Variants in QRSL1 observed in about 807,000 individuals in gnomAD.
QRSL1 encodes glutaminyl-tRNA amidotransferase subunit QRSL1.
QRSL1 carries 54 observed loss-of-function variants against 61.6 expected under a neutral mutation model. The observed-to-expected ratio is 0.88, with a 90% confidence interval of 0.70 to 1.10. The LOEUF (loss-of-function observed/expected upper bound fraction) is 1.10. QRSL1 is among the 50% of genes least tolerant of loss of function. The probability of loss-of-function intolerance (pLI) is 0.00; values close to 1 mark genes in which losing one functional copy is unlikely to be tolerated. For missense variants in QRSL1, 505 were observed against 622.6 expected (o/e 0.81, Z 2.01); for synonymous variants, 228 against 225.7 (o/e 1.01, Z -0.09).
At chr6:106,662,489 C>CT (rs34380610) in intron 9 of QRSL1, among the ~76,000 whole-genome samples, 116 of 143,346 alleles carry the variant, frequency 8.1e-4, no homozygotes, top group Middle Eastern at 3.7e-3. Flanking sequence ...TCCAGTGGTT[C>CT]TTTTTTTTTT....
At position 106,640,490 on chromosome 6, in the gene QRSL1, G is replaced by C. The variant is rs1777000864; in HGVS notation, c.166G>C (p.Glu56Gln). 1 of 1,580,988 alleles carries C rather than the reference G, an allele frequency of 6.3e-7. No homozygotes were observed. The highest frequency in any genetic ancestry group is 8.6e-7 in the Non-Finnish European group (1 of 1,168,932). Residue 56 changes from glutamate to glutamine, a missense_variant, in exon 2 of 11, where the codon GAA (glutamate) becomes CAA (glutamine). Glu to Gln is a conservative substitution (Grantham distance 29). Transcript: ENST00000369046. Reference protein sequence around the residue: ...EVALKQAEESEKRYKNGQSLG... With the variant: ...EVALKQAEESQKRYKNGQSLG... Reference sequence around the variant, plus strand: ...GGCCTTAAAACAAGCTGAAGAATCAGAAAAGAGATATAAGAATGGTAAATT... The same window carrying C: ...GGCCTTAAAACAAGCTGAAGAATCACAAAAGAGATATAAGAATGGTAAATT...
At chr6:106,642,396 T>G in intron 3 of QRSL1, 1 of 480,888 alleles carries the variant, frequency 2.1e-6, no homozygotes, top group Non-Finnish European at 3.8e-6. Context: ...TTCGCTGTTT[T>G]GTTTCCTATA....
chr6:106,639,119 GTTTTTTTTT>G (rs1177849683), intron 1 of QRSL1, among the ~76,000 whole-genome samples: 2 of 122,798 alleles, frequency 1.6e-5, no homozygotes, highest in Non-Finnish European at 3.3e-5. Flanking sequence ...GTGTTTTGTT[GTTTTTTTTT>G]TTTTTTTTTT....
At chr6:106,651,113 G>C (rs112704534) in intron 5 of QRSL1, among the ~76,000 whole-genome samples, 15 of 152,234 alleles carry the variant, frequency 9.9e-5, no homozygotes, top group African/African-American at 2.9e-4. Flanking sequence ...TCTACTTTGT[G>C]TCTTATGAAT....
At chr6:106,660,707 A>C (rs1777342485) in intron 9 of QRSL1, among the ~76,000 whole-genome samples, 1 of 151,892 alleles carries the variant, frequency 6.6e-6, no homozygotes, top group South Asian at 2.1e-4. Context: ...ACGGAGATTT[A>C]CTGGCTCACA....
Position 106,649,064 on chromosome 6 carries a change from C to A in QRSL1, c.420C>A (p.Asn140Lys), listed in dbSNP as rs1426455961. The change falls in exon 5 of 11, where the codon AAC (asparagine) becomes AAA (lysine). Residue 140 changes from asparagine to lysine, a missense_variant. Physicochemically the swap from Asn to Lys is moderately conservative, Grantham distance 94. Transcript: ENST00000369046. ...ATGGTGTATTTGGACCAGTTAAAAA[C>A]CCCTGGAGTTATTCAAAACAATATA... ...STDGVFGPVKNPWSYSKQYRE... is the reference protein window; with the variant it reads ...STDGVFGPVKKPWSYSKQYRE... 2 of 1,613,866 alleles carry A rather than the reference C, an allele frequency of 1.2e-6. No homozygotes were observed. The highest frequency in any genetic ancestry group is 2.2e-5 in the East Asian group (1 of 44,884).
rs1218410668 is a variant in QRSL1, at chr6:106,654,748, T to G, written c.868T>G (p.Leu290Val). The change falls in exon 8 of 11, where the codon TTA (leucine) becomes GTA (valine). Residue 290 changes from leucine to valine, a missense_variant. Transcript: ENST00000369046. ...GIPKEYLVPE[L>V]SSEVQSLWSK... ...CTATAAGGAATATCTTGTACCGGAATTATCAAGTGAAGTACAGTCTCTTTG... is the reference window on the plus strand; with the variant it reads ...CTATAAGGAATATCTTGTACCGGAAGTATCAAGTGAAGTACAGTCTCTTTG... 1 of 1,610,614 alleles carries G rather than the reference T, an allele frequency of 6.2e-7. No individual in the cohort carries two copies. The highest frequency in any genetic ancestry group is 8.5e-7 in the Non-Finnish European group (1 of 1,179,316).
chr6:106,642,210 C>G (rs1005576664), intron 3 of QRSL1, among the ~76,000 whole-genome samples: 89 of 152,292 alleles, frequency 5.8e-4, no homozygotes, highest in African/African-American at 2.1e-3. Flanking sequence ...CATGCACCAC[C>G]AGACCCAGCT....
At chr6:106,652,406 A>T (rs1777201990) in intron 6 of QRSL1, 22 bp downstream of exon 6, 1 of 1,613,576 alleles carries the variant, frequency 6.2e-7, no homozygotes, top group Non-Finnish European at 8.5e-7. Context: ...ATTCTATATC[A>T]TTTGCAACAG....
rs749316210 is a variant in QRSL1, at chr6:106,663,056, T to C, written c.1237T>C (p.Ser413Pro). 3.8e-5 allele frequency: 62 copies of C among 1,612,808 alleles called. No individual in the cohort carries two copies. Among genetic ancestry groups the C allele is most frequent in the Middle Eastern group, 1.6e-4 (1 of 6,082 alleles). ...TAATGACTTTGTAAATGCTTTTAAC[T>C]CTGGAGTAGATGTCTTGCTAACTCC... The part of the protein sequence containing the change: ...IANDFVNAFN[S>P]GVDVLLTPTT... Residue 413 changes from serine to proline, a missense_variant, in exon 10 of 11, where the codon TCT (serine) becomes CCT (proline). Transcript: ENST00000369046.
chr6:106,640,700 C>A, intron 2 of QRSL1, 123 bp from the exon 3 acceptor site: 3 of 1,034,074 alleles, frequency 2.9e-6, no homozygotes, highest in East Asian at 2.4e-5. Context: ...TAATTTCTGC[C>A]ATAAATTTGT....
chr6:106,641,037 T>C, intron 3 of QRSL1, 116 bp downstream of exon 3: 2 of 722,860 alleles, frequency 2.8e-6, no homozygotes, highest in Non-Finnish European at 4.4e-6. Context: ...AGGAAATATT[T>C]AGAATATAAT....
At chr6:106,658,438 C>A (rs1019647590) in intron 9 of QRSL1, among the ~76,000 whole-genome samples, 1 of 152,148 alleles carries the variant, frequency 6.6e-6, no homozygotes, top group Non-Finnish European at 1.5e-5. Context: ...CCTGTAGTTA[C>A]AGCTACTCAG....
rs192473117 is a variant in QRSL1 at position 106,666,348 on chromosome 6, G to A, written c.*346G>A. The A allele has an allele frequency of 1.7e-3, 408 of 238,864 alleles. 3 individuals are homozygous for A. Among genetic ancestry groups the A allele is most frequent in the African/African-American group, 8.7e-3 (378 of 43,236 alleles). 14.8% of individuals were successfully genotyped at this position (238,864 alleles called of 1,614,324 possible). Reference sequence around the variant, plus strand: ...AATAAATAAAATAAAATAAAATGACGTACAGAGATTCTATATTCTAGAGAG... The same window carrying A: ...AATAAATAAAATAAAATAAAATGACATACAGAGATTCTATATTCTAGAGAG... On this transcript the variant is annotated 3_prime_UTR_variant, in exon 11 of 11. Coordinates refer to ENST00000369046, the MANE Select transcript of QRSL1 (RefSeq NM_018292.5).
chr6:106,636,622 T>C (rs1362077090), intron 1 of QRSL1, among the ~76,000 whole-genome samples: 1 of 152,104 alleles, frequency 6.6e-6, no homozygotes, highest in Non-Finnish European at 1.5e-5. Context: ...CCCAGCCAGC[T>C]CTACTGCTTT....
At chr6:106,647,514 A>G (rs1777126896) in intron 4 of QRSL1, among the ~76,000 whole-genome samples, 1 of 138,470 alleles carries the variant, frequency 7.2e-6, no homozygotes, top group Non-Finnish European at 1.6e-5. Flanking sequence ...AGCCAAGATC[A>G]TGCCACTGCA....
chr6:106,652,709 A>T (rs748616285), intron 7 of QRSL1, 127 bp downstream of exon 7: 1 of 1,551,488 alleles, frequency 6.4e-7, no homozygotes, highest in African/African-American at 1.4e-5. Context: ...TGAGTTGAGT[A>T]TGTGACTTAA....
chr6:106,640,575 C>T, intron 2 of QRSL1, 67 bp downstream of exon 2: 9 of 1,357,388 alleles, frequency 6.6e-6, no homozygotes, highest in Non-Finnish European at 7.9e-6. Flanking sequence ...GTAGCAGTCT[C>T]CATTTGGCAA....
At chr6:106,639,111 G>GTGTTTTTTTTTTTTTTT (rs1776967983) in intron 1 of QRSL1, among the ~76,000 whole-genome samples, 1 of 60,754 alleles carries the variant, frequency 1.6e-5, no homozygotes, top group African/African-American at 6.7e-5. Context: ...TTATTTGTGT[G>GTGTTTTTTTTTTTTTTT]TTTTGTTGTT....
Sources: gnomAD v4.1 joint callset for allele counts (sites outside exome capture counted in the v4.1 genomes callset) on GRCh38, gnomAD v4.1.1 for gene constraint, MANE v1.5 for transcripts, NCBI Gene and HGNC (gene_info 2026-07-23, HGNC 2026-07-21) for gene names.